The following SULT1A1 variants were observed in gnomAD, a reference collection of about 807,000 sequenced individuals.
SULT1A1 encodes the protein sulfotransferase 1A1.
A neutral mutation model predicts 36.8 loss-of-function variants in SULT1A1; 35 were observed. The observed-to-expected ratio is 0.95, with a 90% CI of 0.73 to 1.26. SULT1A1 has a LOEUF of 1.26. Ranked by LOEUF, SULT1A1 falls within the 50% of genes most tolerant of loss-of-function variation. SULT1A1 has a pLI of 0.00. For missense variants in SULT1A1, 309 were observed against 383.0 expected (o/e 0.81, Z 1.61); for synonymous variants, 119 against 146.0 (o/e 0.82, Z 1.33).
intron 1 of SULT1A1, among the ~76,000 whole-genome samples, chr16:28,620,334 G>A (rs2047627094): frequency 6.6e-6 from 1 of 151,976 alleles, no homozygotes; most frequent in Non-Finnish European, 1.5e-5. Context: ...GGAGGCCGAG[G>A]CAGGCAGATT....
At chr16:28,607,121 C>A (rs2047233969) in intron 4 of SULT1A1, 44 bp from the exon 5 acceptor site, 1 of 1,608,072 alleles carries the variant, frequency 6.2e-7, no homozygotes, top group Non-Finnish European at 8.5e-7. Flanking sequence ...CACCACACAG[C>A]CTGTCCCAGG....
rs1271613266 is a variant in SULT1A1, at chr16:28,605,310, T to A, written c.*511A>T. On this transcript the variant is annotated 3_prime_UTR_variant, in exon 8 of 8. Transcript: ENST00000314752. ...TATTTCTCAAGCAAGATTTGCTCTG[T>A]CCCTCAGGCTTGAGTGGATTAGCCC... The A allele has an allele frequency of 5.2e-6, 1 of 192,926 alleles. No homozygotes were observed. Among genetic ancestry groups the A allele is most frequent in the East Asian group, 1.4e-4 (1 of 7,132 alleles). 12.0% of individuals were successfully genotyped at this position (192,926 alleles called of 1,614,324 possible). A position where few individuals can be genotyped will look rare whatever the true frequency, so the allele number is the denominator to read the frequency against.
At chr16:28,623,198 GGC>G (rs1479900060) in exon 1 of SULT1A1, 3 of 1,547,454 alleles carry the variant, frequency 1.9e-6, no homozygotes, top group South Asian at 2.4e-5. Flanking sequence ...TGGCCAGCAT[GGC>G]GCGCGGCGCT....
At position 28,606,118 on chromosome 16, in the gene SULT1A1, G is replaced by C. The variant is rs759835538; in HGVS notation, c.713C>G (p.Thr238Ser). The C allele has an allele frequency of 1.2e-6, 2 of 1,611,248 alleles. No individual in the cohort carries two copies. Among genetic ancestry groups the C allele is most frequent in the African/African-American group, 2.7e-5 (2 of 74,776 alleles). ...CTCCTGGGGGACGGTGGTGTAGTTG[G>C]TCATAGGGTTCTTCTTCATCTCCTT... ...SFKEMKKNPMTNYTTVPQEFM... is the reference protein window; with the variant it reads ...SFKEMKKNPMSNYTTVPQEFM... The change falls in exon 7 of 8, where the codon ACC (threonine) becomes AGC (serine). Residue 238 changes from threonine to serine, a missense_variant. Around this residue, in one of 3 missense-constraint regions of SULT1A1, gnomAD observed 67 missense variants for 122.0 expected, o/e 0.55. Coordinates refer to ENST00000314752, the MANE Select transcript of SULT1A1 (RefSeq NM_001055.4).
chr16:28,618,806 C>T (rs2151721528), intron 2 of SULT1A1, among the ~76,000 whole-genome samples: 1 of 152,252 alleles, frequency 6.6e-6, no homozygotes, highest in South Asian at 2.1e-4. Context: ...GAATGCTCAC[C>T]TGAAAACATT....
exon 2 of SULT1A1, chr16:28,620,092 G>A (rs1165846710): frequency 1.2e-6 from 2 of 1,612,986 alleles, no homozygotes; most frequent in Non-Finnish European, 1.7e-6. Flanking sequence ...TTCTGTTTCA[G>A]GTCCAAAAAT....
intron 2 of SULT1A1, among the ~76,000 whole-genome samples, chr16:28,619,037 A>G (rs769300809): frequency 2.0e-5 from 3 of 152,172 alleles, no homozygotes; most frequent in African/African-American, 4.8e-5. Context: ...TCTTTTTGAG[A>G]TGGAGTCTTG....
intron 1 of SULT1A1, among the ~76,000 whole-genome samples, chr16:28,622,247 C>A (rs550007918): frequency 1.3e-5 from 2 of 152,216 alleles, no homozygotes; most frequent in African/African-American, 4.8e-5. Context: ...CTTTCTTGTG[C>A]CAAGTAAAAC....
intron 2 of SULT1A1, chr16:28,620,006 T>C: frequency 7.0e-7 from 1 of 1,424,240 alleles, no homozygotes; most frequent in Admixed American, 1.7e-5. Flanking sequence ...TGTGTGTGTG[T>C]GTGTGTATAT....
chr16:28,619,938 CACA>C (rs2047617484), intron 2 of SULT1A1: 2 of 710,326 alleles, frequency 2.8e-6, no homozygotes, highest in Non-Finnish European at 4.5e-6. Flanking sequence ...TATACATATA[CACA>C]TATATACACA....
At chr16:28,610,264 GTTTTTTT>G (rs538720119), upstream of SULT1A1, 22,547 of 345,328 alleles carry the variant, frequency 0.065, 51 homozygotes, top group East Asian at 0.14. Flanking sequence ...TTTTTTTTCT[GTTTTTTT>G]TTTTTTTTTT....
rs1232403448 is a variant in SULT1A1 at position 28,606,951 on chromosome 16, C to A, written c.499G>T (p.Val167Leu). 5 of 1,612,406 alleles carry A rather than the reference C, an allele frequency of 3.1e-6. No homozygotes were observed. Among genetic ancestry groups the A allele is most frequent in the Non-Finnish European group, 4.2e-6 (5 of 1,178,698 alleles). Reference protein sequence around the residue: ...SFLEKFMVGEVSYGSWYQHVQ... With the variant: ...SFLEKFMVGELSYGSWYQHVQ... Reference sequence around the variant, plus strand: ...CTTTCCTTCCTCCCATCAAACCCACCTTCTCCGACCATGAACTTCTCCAGG... The same window carrying A: ...CTTTCCTTCCTCCCATCAAACCCACATTCTCCGACCATGAACTTCTCCAGG... The change falls in exon 5 of 8, where the codon GTG becomes TTG. Residue 167 changes from valine (V) to leucine (L), a missense_variant and splice_region_variant. Coordinates refer to ENST00000314752, the MANE Select transcript of SULT1A1 (RefSeq NM_001055.4).
chr16:28,616,104 G>T (rs547795331), intron 2 of SULT1A1, among the ~76,000 whole-genome samples: 1 of 152,230 alleles, frequency 6.6e-6, no homozygotes, highest in East Asian at 1.9e-4. Context: ...CCCTGTCCAG[G>T]CATAACAGAA....
In SULT1A1 at chr16:28,609,954, C is replaced by G. The variant is rs1278253478; in HGVS notation, c.-28G>C. 2.3e-6 allele frequency: 3 copies of G among 1,288,008 alleles called. No homozygotes were observed. The highest frequency in any genetic ancestry group is 1.1e-4 in the East Asian group (2 of 18,114). 79.8% of individuals were successfully genotyped at this position (1,288,008 alleles called of 1,614,324 possible). On this transcript the variant is annotated 5_prime_UTR_variant, in exon 1 of 8. Coordinates refer to ENST00000314752, the MANE Select transcript of SULT1A1 (RefSeq NM_001055.4). ...ACCTGAGCTCTTGGGAACCTGGCCT[C>G]GTGCCCTCCTCGCCCGCAGTGGCTG...
intron 4 of SULT1A1, 67 bp from the exon 5 acceptor site, chr16:28,607,144 T>C (rs1225081975): frequency 1.3e-6 from 2 of 1,598,206 alleles, no homozygotes; most frequent in Non-Finnish European, 1.7e-6. Flanking sequence ...AGCTCATCTC[T>C]TGGATTGGCA....
At chr16:28,610,497 G>T, upstream of SULT1A1, 1 of 318,704 alleles carries the variant, frequency 3.1e-6, no homozygotes, top group South Asian at 2.6e-5. Context: ...CAGCCCACAG[G>T]CCCCCAGCAG....
intron 1 of SULT1A1, chr16:28,620,219 G>C: frequency 1.6e-6 from 2 of 1,280,930 alleles, no homozygotes; most frequent in Admixed American, 3.9e-5. Context: ...ATTCCAAAAT[G>C]CAAAGTAACC....
At chr16:28,616,669 C>T (rs561375599) in intron 2 of SULT1A1, among the ~76,000 whole-genome samples, 1 of 152,206 alleles carries the variant, frequency 6.6e-6, no homozygotes, top group African/African-American at 2.4e-5. Flanking sequence ...GGGATCCTCT[C>T]GCCTCACCCT....
exon 1 of SULT1A1, chr16:28,623,145 G>C: frequency 6.6e-7 from 1 of 1,521,260 alleles, no homozygotes; most frequent in Non-Finnish European, 8.8e-7. Flanking sequence ...GTAGAAGGCC[G>C]AGACCGCGAT....
Sources: gnomAD v4.1 joint callset for allele counts (sites outside exome capture counted in the v4.1 genomes callset) on GRCh38, gnomAD v4.1.1 for gene constraint, gnomAD v4.1.1 regional missense constraint, MANE v1.5 for transcripts, NCBI Gene and HGNC (gene_info 2026-07-23, HGNC 2026-07-21) for gene names.